KCNJ14: variants seen among roughly 807,000 people sequenced by gnomAD.
The protein encoded by KCNJ14 is ATP-sensitive inward rectifier potassium channel 14.
In KCNJ14, 18 loss-of-function variants were observed where a neutral mutation model predicts 24.5. The observed-to-expected ratio is 0.74, with a 90% CI of 0.51 to 1.09. The LOEUF (loss-of-function observed/expected upper bound fraction) is 1.09, where lower values mean the gene tolerates loss of function less well. KCNJ14 is among the 50% of genes least tolerant of loss of function. KCNJ14 has a pLI of 0.00. For missense variants in KCNJ14, 633 were observed against 623.0 expected (o/e 1.02, Z -0.17); for synonymous variants, 288 against 270.8 (o/e 1.06, Z -0.63).
chr19:48,464,928 T>A lies in KCNJ14; in HGVS notation c.*151T>A. 1 of 650,470 alleles carries A rather than the reference T, an allele frequency of 1.5e-6. No individual in the cohort carries two copies. The highest frequency in any genetic ancestry group is 2.7e-6 in the Non-Finnish European group (1 of 371,910). The allele number at this position is 650,470 out of a possible 1,614,324, so 40.3% of individuals were successfully genotyped here. A position where few individuals can be genotyped will look rare whatever the true frequency, so the allele number is the denominator to read the frequency against. On this transcript the variant is annotated 3_prime_UTR_variant, in exon 3 of 3. Coordinates refer to ENST00000342291, the MANE Select transcript of KCNJ14 (RefSeq NM_013348.4). ...CTAGGTGGTAAGGTTCTGCCATGCC[T>A]GGTGACCCACCATGGACATACTGGA...
intron 2 of KCNJ14, among the ~76,000 whole-genome samples, chr19:48,463,769 C>T (rs535809965): frequency 2.6e-5 from 4 of 152,318 alleles, no homozygotes; most frequent in Admixed American, 6.5e-5. Context: ...TTTCCGTTGT[C>T]GCTTTGATTT....
intron 2 of KCNJ14, among the ~76,000 whole-genome samples, chr19:48,463,304 G>A (rs1190323257): frequency 6.6e-6 from 1 of 152,136 alleles, no homozygotes; most frequent in African/African-American, 2.4e-5. Context: ...GCAACTCCCA[G>A]CCGCCTCTGG....
Position 48,462,169 on chromosome 19 carries a change from G to C in KCNJ14, c.445G>C (p.Gly149Arg). Residue 149 changes from glycine to arginine, a missense_variant, in exon 2 of 3, where the codon GGC (glycine) becomes CGC (arginine). Transcript: ENST00000342291. The surrounding 1 kb of genome is among the most constrained non-coding windows in gnomAD (Gnocchi z 4.9). ...CGCGCTGGAGACGCAGACGTCCATC[G>C]GCTACGGCGTGCGCAGCGTCACCGA... ...LFALETQTSI[G>R]YGVRSVTEEC... The C allele has an allele frequency of 1.3e-6, 2 of 1,573,382 alleles. No homozygotes were observed. Among genetic ancestry groups the C allele is most frequent in the South Asian group, 2.3e-5 (2 of 86,560 alleles).
In KCNJ14 at chr19:48,465,009, C is replaced by T. The variant is rs921166909; in HGVS notation, c.*232C>T. On this transcript the variant is annotated 3_prime_UTR_variant, in exon 3 of 3. Coordinates refer to ENST00000342291, the MANE Select transcript of KCNJ14 (RefSeq NM_013348.4). ...TGAGAACCCTTTATGAGCCTGATTC[C>T]TCAGTCTCACCAGAATTCTGGATCA... 7.4e-6 allele frequency: 4 copies of T among 540,122 alleles called. No homozygotes were observed. The highest frequency in any genetic ancestry group is 1.3e-5 in the Non-Finnish European group (4 of 302,452). The allele number at this position is 540,122 out of a possible 1,614,324, so 33.5% of individuals were successfully genotyped here.
chr19:48,462,457 G>A lies in KCNJ14; in HGVS notation c.714+19G>A. On this transcript the variant is annotated intron_variant, in intron 2 of 2. Coordinates refer to ENST00000342291, the MANE Select transcript of KCNJ14 (RefSeq NM_013348.4). The surrounding 1 kb of genome is among the most constrained non-coding windows in gnomAD (Gnocchi z 4.9). ...GCTGCAGGTGCGCCCGGGAGGAGAG[G>A]CGGGGACTTCCGTGAGCCCTGGGGG... 1 of 1,450,730 alleles carries A rather than the reference G, an allele frequency of 6.9e-7. No homozygotes were observed. Among genetic ancestry groups the A allele is most frequent in the South Asian group, 1.4e-5 (1 of 70,276 alleles). The allele number at this position is 1,450,730 out of a possible 1,614,324, so 89.9% of individuals were successfully genotyped here.
At chr19:48,457,784 T>A (rs1303120354) in intron 1 of KCNJ14, among the ~76,000 whole-genome samples, 3 of 151,966 alleles carry the variant, frequency 2.0e-5, no homozygotes, top group African/African-American at 7.2e-5. Flanking sequence ...TTCAAGTGAT[T>A]CTCCCACCTC....
Position 48,462,376 on chromosome 19 carries a change from C to G in KCNJ14, c.652C>G (p.Arg218Gly), listed in dbSNP as rs1971611409. The change falls in exon 2 of 3, where the codon CGC (arginine) becomes GGC (glycine). Residue 218 changes from arginine to glycine, a missense_variant. Arg to Gly is a moderately radical substitution (Grantham distance 125, BLOSUM62 -2). Coordinates refer to ENST00000342291, the MANE Select transcript of KCNJ14 (RefSeq NM_013348.4). The surrounding 1 kb of genome is among the most constrained non-coding windows in gnomAD (Gnocchi z 4.9). ...CGACCACCGCCTCTGCCTCATGTGG[C>G]GCGTCGGCAACCTGCGCCGCAGCCA... is the stretch of plus-strand genomic sequence containing the variant. ...LRDHRLCLMW[R>G]VGNLRRSHLV... The G allele has an allele frequency of 1.3e-6, 2 of 1,531,936 alleles. No individual in the cohort carries two copies. Among genetic ancestry groups the G allele is most frequent in the Non-Finnish European group, 1.8e-6 (2 of 1,133,984 alleles). The allele number at this position is 1,531,936 out of a possible 1,614,324, so 94.9% of individuals were successfully genotyped here. A position where few individuals can be genotyped will look rare whatever the true frequency, so the allele number is the denominator to read the frequency against.
chr19:48,456,365 T>A (rs568679812), intron 1 of KCNJ14: 1 of 152,436 alleles, frequency 6.6e-6, no homozygotes, highest in East Asian at 1.9e-4. Flanking sequence ...GAGAACAGTC[T>A]CTAACATGCA....
In KCNJ14 at chr19:48,464,483, C is replaced by T. The variant is rs768869301; in HGVS notation, c.1017C>T (p.Gly339=). 6.2e-6 allele frequency: 10 copies of T among 1,614,030 alleles called. No individual in the cohort carries two copies. The highest frequency in any genetic ancestry group is 1.6e-4 in the Middle Eastern group (1 of 6,084). The change falls in exon 3 of 3, where the codon GGC becomes GGT. Residue 339 remains glycine, a synonymous_variant. Transcript: ENST00000342291. ...HRFEPVLFQR[G]SQYEVDYRHF... is the part of the protein sequence containing the mutation. ...TTGAGCCAGTTCTCTTCCAGCGTGG[C>T]TCCCAGTATGAGGTCGACTATCGCC...
At chr19:48,460,295 G>A (rs1296651733) in intron 1 of KCNJ14, among the ~76,000 whole-genome samples, 1 of 151,788 alleles carries the variant, frequency 6.6e-6, no homozygotes, top group African/African-American at 2.4e-5. Context: ...CCAGGCTGGA[G>A]TGCAATGGCA....
intron 1 of KCNJ14, 50 bp from the exon 2 acceptor site, chr19:48,461,620 G>C: frequency 1.7e-6 from 1 of 596,410 alleles, no homozygotes; most frequent in Non-Finnish European, 2.6e-6. Flanking sequence ...TGGCCGATGA[G>C]CTCATCCATT....
Position 48,464,034 on chromosome 19 carries a change from C to T in KCNJ14, c.715-147C>T, listed in dbSNP as rs572146842. ...CTGACTTCCTCTCTCTCTGGGTTGC[C>T]GGCCCCATCTCTTGATCTGTGTTCT... On this transcript the variant is annotated intron_variant, in intron 2 of 2. Coordinates refer to ENST00000342291, the MANE Select transcript of KCNJ14 (RefSeq NM_013348.4). The T allele has an allele frequency of 3.5e-4, 226 of 645,884 alleles. No individual in the cohort carries two copies. In the South Asian group the frequency reaches 3.8e-3, roughly 11 times the overall value. 40.0% of individuals were successfully genotyped at this position (645,884 alleles called of 1,614,324 possible). A position where few individuals can be genotyped will look rare whatever the true frequency, so the allele number is the denominator to read the frequency against.
rs1971637215 is a variant in KCNJ14 at position 48,464,583 on chromosome 19, G to A, written c.1117G>A (p.Ala373Thr). 1.2e-6 allele frequency: 2 copies of A among 1,614,030 alleles called. No individual in the cohort carries two copies. Among genetic ancestry groups the A allele is most frequent in the African/African-American group, 1.3e-5 (1 of 74,922 alleles). The change falls in exon 3 of 3, where the codon GCT becomes ACT. Residue 373 changes from alanine to threonine, a missense_variant. Physicochemically the swap from Ala to Thr is moderately conservative, Grantham distance 58. Coordinates refer to ENST00000342291, the MANE Select transcript of KCNJ14 (RefSeq NM_013348.4). Reference protein sequence around the residue: ...AKELDERAEQASHSLKSSFPG... With the variant: ...AKELDERAEQTSHSLKSSFPG... ...GGAGCTGGATGAACGGGCAGAGCAG[G>A]CTTCCCACAGCCTCAAGTCTAGTTT...
rs1971641079 is a variant in KCNJ14 at position 48,464,846 on chromosome 19, C to G, written c.*69C>G. ...GGTAGCAAGATGGAGGGATGGGGCT[C>G]TCTCCTGGGATGGGGGCAGGTGTTC... On this transcript the variant is annotated 3_prime_UTR_variant, in exon 3 of 3. Transcript: ENST00000342291. 2 of 1,176,388 alleles carry G rather than the reference C, an allele frequency of 1.7e-6. No homozygotes were observed. The highest frequency in any genetic ancestry group is 1.3e-5 in the South Asian group (1 of 75,886). The allele number at this position is 1,176,388 out of a possible 1,614,324, so 72.9% of individuals were successfully genotyped here. A position where few individuals can be genotyped will look rare whatever the true frequency, so the allele number is the denominator to read the frequency against.
At position 48,464,732 on chromosome 19, in the gene KCNJ14, C is replaced by T. The variant is rs560111886; in HGVS notation, c.1266C>T (p.Ser422=). Reference sequence around the variant, plus strand: ...TGGAAACAGAAGATGGGGCTGCTAGCCCCCGAGTTCTCACACCAACCCTGG... The same window carrying T: ...TGGAAACAGAAGATGGGGCTGCTAGTCCCCGAGTTCTCACACCAACCCTGG... ...NGVETEDGAA[S]PRVLTPTLAL... is the part of the protein sequence containing the mutation. The change falls in exon 3 of 3, where the codon AGC becomes AGT. Residue 422 remains serine, a synonymous_variant. Coordinates refer to ENST00000342291, the MANE Select transcript of KCNJ14 (RefSeq NM_013348.4). 4.4e-5 allele frequency: 71 copies of T among 1,609,904 alleles called. No homozygotes were observed. In the African/African-American group the frequency reaches 6.4e-4, roughly 15 times the overall value.
At position 48,461,712 on chromosome 19, in the gene KCNJ14, G is replaced by A; in HGVS notation, c.-13G>A. 7.2e-7 allele frequency: 1 copy of A among 1,390,956 alleles called. No individual in the cohort carries two copies. Among genetic ancestry groups the A allele is most frequent in the African/African-American group, 1.5e-5 (1 of 65,684 alleles). The allele number at this position is 1,390,956 out of a possible 1,614,324, so 86.2% of individuals were successfully genotyped here. ...CCCCCCACTAGGCCAAGTGGAGGGG[G>A]TCCCTCCGTCCAATGGGCCTGGCCA... On this transcript the variant is annotated 5_prime_UTR_variant, in exon 2 of 3. Transcript: ENST00000342291.
At position 48,462,008 on chromosome 19, in the gene KCNJ14, G is replaced by C. The variant is rs141869031; in HGVS notation, c.284G>C (p.Cys95Ser). 6.2e-6 allele frequency: 10 copies of C among 1,612,768 alleles called. No individual in the cohort carries two copies. In the African/African-American group the frequency reaches 1.1e-4, roughly 17 times the overall value. Residue 95 changes from cysteine (C) to serine (S), a missense_variant, in exon 2 of 3, where the codon TGC (cysteine) becomes TCC (serine). By Grantham distance (112) the Cys-to-Ser change is moderately radical. Coordinates refer to ENST00000342291, the MANE Select transcript of KCNJ14 (RefSeq NM_013348.4). This position sits in a 1 kb window ranked among gnomAD's most constrained non-coding sequence, Gnocchi z 4.9. ...CGCTGGATGTGCCTGCTCTTCTCCT[G>C]CTCCTTCCTCGCCTCCTGGCTGCTC... is the stretch of plus-strand genomic sequence containing the variant. ...RWRWMCLLFS[C>S]SFLASWLLFG...
rs904310118 is a variant in KCNJ14 at position 48,455,771 on chromosome 19, C to T, written c.-143C>T. The T allele has an allele frequency of 6.6e-6, 1 of 152,264 alleles. No homozygotes were observed. The highest frequency in any genetic ancestry group is 1.5e-5 in the Non-Finnish European group (1 of 68,096). The allele number at this position is 152,264 out of a possible 1,614,324, so 9.4% of individuals were successfully genotyped here. ...GCATTCCCCCTGGCACTGCGGGGGCCTGGCCAGCTCATGGCGTTCCCTGAG... is the reference window on the plus strand; with the variant it reads ...GCATTCCCCCTGGCACTGCGGGGGCTTGGCCAGCTCATGGCGTTCCCTGAG... On this transcript the variant is annotated 5_prime_UTR_variant, in exon 1 of 3. Coordinates refer to ENST00000342291, the MANE Select transcript of KCNJ14 (RefSeq NM_013348.4).
In KCNJ14 at chr19:48,462,162, G is replaced by C. The variant is rs1204242895; in HGVS notation, c.438G>C (p.Thr146=). The C allele has an allele frequency of 6.3e-7, 1 of 1,581,934 alleles. No homozygotes were observed. The highest frequency in any genetic ancestry group is 8.6e-7 in the Non-Finnish European group (1 of 1,164,866). The part of the protein sequence containing the change: ...AAFLFALETQ[T]SIGYGVRSVT... The stretch of plus-strand genomic sequence containing the variant: ...TCCTCTTCGCGCTGGAGACGCAGAC[G>C]TCCATCGGCTACGGCGTGCGCAGCG... Residue 146 remains threonine (T), a synonymous_variant, in exon 2 of 3, where the codon ACG becomes ACC. Transcript: ENST00000342291. This position sits in a 1 kb window ranked among gnomAD's most constrained non-coding sequence, Gnocchi z 4.9.
Sources: gnomAD v4.1 joint callset for allele counts (sites outside exome capture counted in the v4.1 genomes callset) on GRCh38, gnomAD v4.1.1 for gene constraint, Gnocchi (gnomAD v3.1) non-coding constraint, MANE v1.5 for transcripts, NCBI Gene and HGNC (gene_info 2026-07-23, HGNC 2026-07-21) for gene names.